The following FMN2 variants were observed in gnomAD, a reference collection of about 807,000 sequenced individuals.
FMN2 encodes formin-2.
Under a neutral mutation model 142.3 loss-of-function variants are expected in FMN2, and 51 were observed. That is an observed-to-expected ratio of 0.36 (90% CI 0.29 to 0.45). The LOEUF (loss-of-function observed/expected upper bound fraction) is 0.45. Ranked by LOEUF, FMN2 falls within the 20% of genes least tolerant of loss-of-function variation. FMN2 has a pLI of 1.00. For synonymous variants in FMN2, 882 were observed against 869.8 expected, an observed-to-expected ratio of 1.01 and a Z score of -0.25; for missense variants, 1,936 against 2,122.8, an observed-to-expected ratio of 0.91 and a Z score of 1.73.
chr1:240,332,155 A>C (rs1007381718), intron 11 of FMN2, among the ~76,000 whole-genome samples: 1 of 152,132 alleles, frequency 6.6e-6, no homozygotes, highest in Non-Finnish European at 1.5e-5. Flanking sequence ...TCCTTGGTAC[A>C]CCAGCAGCAT....
chr1:240,108,984 C>T (rs1571933372), intron 1 of FMN2, among the ~76,000 whole-genome samples: 1 of 152,074 alleles, frequency 6.6e-6, no homozygotes, highest in Non-Finnish European at 1.5e-5. Flanking sequence ...TGCAGTGAGC[C>T]GAGATCCTGC....
Position 240,438,520 on chromosome 1 carries a change from C to T in FMN2, c.5060+310C>T, listed in dbSNP as rs71646902. ...TAAGAAGGCTGGAACAACCCTGCTGCAATGGCAGACCCACGCACTTCAAAG... is the reference window on the plus strand; with the variant it reads ...TAAGAAGGCTGGAACAACCCTGCTGTAATGGCAGACCCACGCACTTCAAAG... On this transcript the variant is annotated intron_variant, in intron 16 of 17. Coordinates refer to ENST00000319653, the MANE Select transcript of FMN2 (RefSeq NM_020066.5). Among the ~76,000 whole-genome samples the T allele has an allele frequency of 2.3e-3, 350 of 152,276 alleles. 1 individual carries two copies. The highest frequency in any genetic ancestry group is 0.01 in the Middle Eastern group (3 of 294).
intron 6 of FMN2, among the ~76,000 whole-genome samples, chr1:240,227,306 A>G (rs1162977545): frequency 6.6e-6 from 1 of 152,210 alleles, no homozygotes; most frequent in Non-Finnish European, 1.5e-5. Flanking sequence ...GGATCTAAAT[A>G]AAGGGAACAT....
At chr1:240,127,473 T>C (rs190352076) in intron 2 of FMN2, among the ~76,000 whole-genome samples, 60 of 152,124 alleles carry the variant, frequency 3.9e-4, no homozygotes, top group Non-Finnish European at 7.4e-4. Flanking sequence ...CTTGGTTTGC[T>C]TGTTGTGGTG....
chr1:240,122,340 T>C (rs1662314786), intron 1 of FMN2, among the ~76,000 whole-genome samples: 1 of 152,054 alleles, frequency 6.6e-6, no homozygotes, highest in Non-Finnish European at 1.5e-5. Context: ...CTCGGCTCAC[T>C]GCAACCTCCG....
At chr1:240,326,405 G>GA (rs952165159) in intron 8 of FMN2, among the ~76,000 whole-genome samples, 3 of 152,158 alleles carry the variant, frequency 2.0e-5, no homozygotes, top group African/African-American at 7.2e-5. Flanking sequence ...GAATAGTTTG[G>GA]GGAGTGCCTC....
At chr1:240,161,862 C>T (rs888992200) in intron 2 of FMN2, among the ~76,000 whole-genome samples, 5 of 152,026 alleles carry the variant, frequency 3.3e-5, no homozygotes, top group Non-Finnish European at 5.9e-5. Context: ...AATAACAAAC[C>T]TTCTGGAAGA....
chr1:240,272,754 A>T lies in FMN2; in HGVS notation c.4153+14722A>T, dbSNP rs565327261. Among the ~76,000 whole-genome samples the T allele has an allele frequency of 2.5e-3, 379 of 152,318 alleles. 1 individual carries two copies. The highest frequency in any genetic ancestry group is 0.022 in the South Asian group (107 of 4,828). On this transcript the variant is annotated intron_variant, in intron 7 of 17. Coordinates refer to ENST00000319653, the MANE Select transcript of FMN2 (RefSeq NM_020066.5). ...GCTAAAACATCAAAGTCATGTGATG[A>T]CATGTTATCTTTTGGCATGGCTGAA...
At chr1:240,143,709 A>G in intron 2 of FMN2, 1 of 1,584,876 alleles carries the variant, frequency 6.3e-7, no homozygotes. Flanking sequence ...GTCCAAGAGG[A>G]AGCCAACGAG....
At chr1:240,470,056 T>A (rs1438855357) in intron 16 of FMN2, among the ~76,000 whole-genome samples, 1 of 152,110 alleles carries the variant, frequency 6.6e-6, no homozygotes, top group East Asian at 1.9e-4. Flanking sequence ...AAAAATGTGT[T>A]TTGAGAAAAA....
chr1:240,320,225 T>G (rs1015773568), intron 8 of FMN2, among the ~76,000 whole-genome samples: 1 of 152,074 alleles, frequency 6.6e-6, no homozygotes, highest in African/African-American at 2.4e-5. Flanking sequence ...TGAAACGATG[T>G]CATCTTGGAA....
chr1:240,436,500 A>G (rs1172545321), intron 15 of FMN2, among the ~76,000 whole-genome samples: 1 of 151,972 alleles, frequency 6.6e-6, no homozygotes, highest in African/African-American at 2.4e-5. Flanking sequence ...GAGCAAACTC[A>G]CCTTAAAGAT....
intron 7 of FMN2, among the ~76,000 whole-genome samples, chr1:240,273,220 A>G (rs1402522678): frequency 3.9e-5 from 6 of 152,228 alleles, no homozygotes; most frequent in Non-Finnish European, 7.3e-5. Flanking sequence ...TGCTATTTTT[A>G]TGGTTCCAAA....
intron 2 of FMN2, among the ~76,000 whole-genome samples, chr1:240,174,175 A>G (rs897350171): frequency 6.6e-6 from 1 of 152,150 alleles, no homozygotes; most frequent in African/African-American, 2.4e-5. Flanking sequence ...GTTGTGGCCA[A>G]TTTGGTTCTG....
chr1:240,288,556 A>C (rs918394108), intron 7 of FMN2, among the ~76,000 whole-genome samples: 2 of 152,044 alleles, frequency 1.3e-5, no homozygotes, highest in Non-Finnish European at 2.9e-5. Context: ...AGCCCCTCAG[A>C]TGGTCCCTGG....
At chr1:240,179,050 T>G (rs893787134) in intron 3 of FMN2, among the ~76,000 whole-genome samples, 5 of 152,204 alleles carry the variant, frequency 3.3e-5, no homozygotes, top group African/African-American at 1.2e-4. Flanking sequence ...TAGGCAAATT[T>G]CCTAACAACT....
intron 6 of FMN2, among the ~76,000 whole-genome samples, chr1:240,228,907 TTC>T (rs1216026137): frequency 2.6e-5 from 4 of 152,172 alleles, no homozygotes; most frequent in African/African-American, 9.6e-5. Flanking sequence ...TATAACTTTT[TTC>T]TTTGCTTTTG....
chr1:240,434,555 G>GTTTTTTTTTTTGTTTTTTTTT, intron 15 of FMN2, among the ~76,000 whole-genome samples: 1 of 148,178 alleles, frequency 6.7e-6, no homozygotes, highest in Non-Finnish European at 1.5e-5. Flanking sequence ...TTTGTTTTTT[G>GTTTTTTTTTTTGTTTTTTTTT]TTTTTTTTTG....
At chr1:240,162,532 A>G (rs929472544) in intron 2 of FMN2, among the ~76,000 whole-genome samples, 1 of 152,166 alleles carries the variant, frequency 6.6e-6, no homozygotes, top group Non-Finnish European at 1.5e-5. Flanking sequence ...ATTTTGGTAA[A>G]TTGCATTTTT....
Sources: allele counts gnomAD v4.1 joint callset (sites outside exome capture counted in the v4.1 genomes callset), GRCh38; gene constraint gnomAD v4.1.1; transcripts MANE v1.5; gene names NCBI Gene and HGNC (gene_info 2026-07-23, HGNC 2026-07-21).